KCNG2: variants seen among roughly 807,000 people sequenced by gnomAD.
The protein encoded by KCNG2 is potassium voltage-gated channel modifier subfamily G member 2, also known as voltage-gated potassium channel regulatory subunit KCNG2.
In KCNG2, 7 loss-of-function variants were observed where a neutral mutation model predicts 12.3. That is an observed-to-expected ratio of 0.57 (90% confidence interval 0.32 to 1.07). KCNG2 has a LOEUF of 1.07. Among genes scored for constraint, KCNG2 ranks in the 50% least tolerant of loss-of-function variants. The pLI is 0.04. For missense variants in KCNG2, 703 were observed against 726.0 expected, an observed-to-expected ratio of 0.97 and a Z score of 0.36; for synonymous variants, 414 against 351.4, an observed-to-expected ratio of 1.18 and a Z score of -1.99.
At position 79,800,620 on chromosome 18, in the gene KCNG2, G is replaced by A. The variant is rs1382682417; in HGVS notation, c.-115+2606G>A. Among the ~76,000 whole-genome samples, 1 of 152,248 alleles carries A rather than the reference G, an allele frequency of 6.6e-6. No homozygotes were observed. The highest frequency in any genetic ancestry group is 1.5e-5 in the Non-Finnish European group (1 of 68,040). ...GCACTCAGGGTCCTTGCTGGTGTCG[G>A]AGAAACAGCACTGGCTCCTTCACAG... On this transcript the variant is annotated intron_variant, in intron 1 of 3. Transcript: ENST00000316249. The surrounding 1 kb of genome is among the most constrained non-coding windows in gnomAD (Gnocchi z 4.0).
chr18:79,881,028 C>T (rs1358395871), intron 3 of KCNG2, among the ~76,000 whole-genome samples: 1 of 152,222 alleles, frequency 6.6e-6, no homozygotes, highest in Non-Finnish European at 1.5e-5. Flanking sequence ...TGAATGTTTT[C>T]CCGTTAAGAT....
At chr18:79,846,290 G>A (rs764552004) in intron 1 of KCNG2, among the ~76,000 whole-genome samples, 27 of 148,846 alleles carry the variant, frequency 1.8e-4, no homozygotes, top group Non-Finnish European at 2.8e-4. Context: ...GGAGAATGGC[G>A]TGAACTTGGG....
chr18:79,818,665 C>T (rs748468566), intron 1 of KCNG2, among the ~76,000 whole-genome samples: 26 of 152,228 alleles, frequency 1.7e-4, no homozygotes, highest in Admixed American at 4.6e-4. Context: ...AAGGGCTGGG[C>T]ACTCTCTGGT....
At chr18:79,843,106 G>A (rs1422199194) in intron 1 of KCNG2, among the ~76,000 whole-genome samples, 1 of 152,040 alleles carries the variant, frequency 6.6e-6, no homozygotes, top group African/African-American at 2.4e-5. Context: ...AAGCAGCAAA[G>A]AAATCCATTT....
intron 3 of KCNG2, among the ~76,000 whole-genome samples, chr18:79,879,993 G>A (rs1021112018): frequency 6.6e-6 from 1 of 152,156 alleles, no homozygotes; most frequent in Non-Finnish European, 1.5e-5. Flanking sequence ...AAATGTAATT[G>A]TAGAGCACGA....
intron 3 of KCNG2, among the ~76,000 whole-genome samples, chr18:79,874,234 C>G (rs3809928): frequency 0.13 from 20,079 of 152,272 alleles, 1,617 homozygotes; most frequent in East Asian, 0.36. Flanking sequence ...CATCAGCCAC[C>G]TTCCTCTATG....
At chr18:79,882,806 C>CGCCTGCGCGTGG (rs1980357167) in intron 3 of KCNG2, among the ~76,000 whole-genome samples, 2 of 148,646 alleles carry the variant, frequency 1.3e-5, no homozygotes, top group African/African-American at 2.4e-5. Flanking sequence ...AGGCCGGGTA[C>CGCCTGCGCGTGG]ACCTGCGCGT....
At chr18:79,897,450 A>C (rs1371691386) in intron 3 of KCNG2, among the ~76,000 whole-genome samples, 1 of 151,964 alleles carries the variant, frequency 6.6e-6, no homozygotes, top group Non-Finnish European at 1.5e-5. Context: ...CTCTTTACCA[A>C]CAGCCTCTAT....
intron 1 of KCNG2, among the ~76,000 whole-genome samples, chr18:79,846,203 T>G (rs1978619900): frequency 6.8e-6 from 1 of 148,122 alleles, no homozygotes; most frequent in South Asian, 2.1e-4. Flanking sequence ...AAACCCTGTC[T>G]CTACTAAAAA....
At chr18:79,810,183 G>A (rs1283499434) in intron 1 of KCNG2, among the ~76,000 whole-genome samples, 4 of 152,246 alleles carry the variant, frequency 2.6e-5, no homozygotes, top group South Asian at 2.1e-4. Context: ...TGGGAGGGGG[G>A]AGTGGGTAAT....
intron 2 of KCNG2, among the ~76,000 whole-genome samples, chr18:79,861,219 T>C (rs1269495356): frequency 2.0e-5 from 3 of 152,118 alleles, no homozygotes; most frequent in Admixed American, 1.3e-4. Context: ...AAGCTGGATT[T>C]ATTTTGCTCA....
chr18:79,880,668 G>A (rs1412693795), intron 3 of KCNG2, among the ~76,000 whole-genome samples: 2 of 152,146 alleles, frequency 1.3e-5, no homozygotes, highest in Non-Finnish European at 2.9e-5. Context: ...AAAGACCAGT[G>A]TCTCCCATGA....
At chr18:79,861,108 C>T (rs923516011) in intron 2 of KCNG2, among the ~76,000 whole-genome samples, 9 of 152,066 alleles carry the variant, frequency 5.9e-5, no homozygotes, top group Admixed American at 3.9e-4. Flanking sequence ...TATAAATGAG[C>T]GTATTATAGT....
chr18:79,815,903 G>C (rs1052558356), intron 1 of KCNG2, among the ~76,000 whole-genome samples: 1 of 152,240 alleles, frequency 6.6e-6, no homozygotes, highest in African/African-American at 2.4e-5. Flanking sequence ...CAACACTGCT[G>C]AGCAAACACT....
In KCNG2 at chr18:79,889,043, C is replaced by A. The variant is rs532115568; in HGVS notation, c.625-9997C>A. Among the ~76,000 whole-genome samples, 3 of 152,310 alleles carry A rather than the reference C, an allele frequency of 2.0e-5. No homozygotes were observed. In the East Asian group the frequency reaches 5.8e-4, roughly 29 times the overall value. On this transcript the variant is annotated intron_variant, in intron 3 of 3. Transcript: ENST00000316249. ...TGAGCTGTAAGAGTTTCTTATCTAT[C>A]CTGGATGCAAGTCCCTTATCAAATA...
chr18:79,826,249 G>A (rs570321498), intron 1 of KCNG2, among the ~76,000 whole-genome samples: 78 of 152,388 alleles, frequency 5.1e-4, no homozygotes, highest in African/African-American at 1.8e-3. Flanking sequence ...CGAGGGCCTG[G>A]CTCTGGGAAG....
chr18:79,895,287 TGATTG>T (rs1321176176), intron 3 of KCNG2, among the ~76,000 whole-genome samples: 3 of 152,042 alleles, frequency 2.0e-5, no homozygotes, highest in African/African-American at 7.2e-5. Context: ...TTTCTGCTTT[TGATTG>T]GATTGTTCAC....
chr18:79,839,355 A>G (rs951540121), intron 1 of KCNG2, among the ~76,000 whole-genome samples: 1 of 152,152 alleles, frequency 6.6e-6, no homozygotes, highest in African/African-American at 2.4e-5. Flanking sequence ...GAGAGAAGAC[A>G]CACGTTACCA....
chr18:79,834,252 G>A (rs1165663006), intron 1 of KCNG2, among the ~76,000 whole-genome samples: 1 of 152,244 alleles, frequency 6.6e-6, no homozygotes, highest in African/African-American at 2.4e-5. Flanking sequence ...CTGAGCAAAC[G>A]TCCTGTCCTC....
Sources: allele counts gnomAD v4.1 joint callset (sites outside exome capture counted in the v4.1 genomes callset), GRCh38; gene constraint gnomAD v4.1.1; non-coding constraint Gnocchi (gnomAD v3.1); transcripts MANE v1.5; gene names NCBI Gene and HGNC (gene_info 2026-07-23, HGNC 2026-07-21).